CD6: variants seen among roughly 807,000 people sequenced by gnomAD.
The protein encoded by CD6 is CD6 molecule, also known as T-cell differentiation antigen CD6.
Under a neutral mutation model 75.3 loss-of-function variants are expected in CD6, and 53 were observed. The observed-to-expected ratio is 0.70, with a 90% CI of 0.56 to 0.88. The LOEUF is 0.88. CD6 is among the 40% of genes least tolerant of loss of function. CD6 has a pLI of 0.00. For synonymous variants in CD6, 359 were observed against 381.5 expected, an observed-to-expected ratio of 0.94 and a Z score of 0.69; for missense variants, 770 against 897.1, an observed-to-expected ratio of 0.86 and a Z score of 1.81.
intron 1 of CD6, among the ~76,000 whole-genome samples, chr11:61,001,360 G>T (rs1321907408): frequency 2.0e-5 from 3 of 151,852 alleles, no homozygotes; most frequent in Non-Finnish European, 4.4e-5. Context: ...CTGCCACCAC[G>T]CCTGGCTAAC....
At position 61,008,757 on chromosome 11, in the gene CD6, G is replaced by A. The variant is rs777837785; in HGVS notation, c.693G>A (p.Ser231=). 2.5e-6 allele frequency: 4 copies of A among 1,604,888 alleles called. No homozygotes were observed. The highest frequency in any genetic ancestry group is 2.2e-5 in the East Asian group (1 of 44,616). The change falls in exon 4 of 13, where the codon TCG becomes TCA. Residue 231 remains serine (S), a synonymous_variant. Coordinates refer to ENST00000313421, the MANE Select transcript of CD6 (RefSeq NM_006725.5). ...TCCACCGGGACCAGGTGAACTGCTCGGGGGCCGAAGCTTACCTGTGGGACT... is the reference window on the plus strand; with the variant it reads ...TCCACCGGGACCAGGTGAACTGCTCAGGGGCCGAAGCTTACCTGTGGGACT... ...GPIHRDQVNC[S]GAEAYLWDCP... is the part of the protein sequence containing the mutation.
chr11:60,972,987 A>G (rs544363513), intron 1 of CD6, among the ~76,000 whole-genome samples: 1 of 152,118 alleles, frequency 6.6e-6, no homozygotes, highest in Admixed American at 6.6e-5. Context: ...TGCCCTGCTA[A>G]CTCTACCAGG....
intron 1 of CD6, 66 bp downstream of exon 1, chr11:60,971,980 CCT>C: frequency 6.6e-7 from 1 of 1,517,006 alleles, no homozygotes; most frequent in South Asian, 1.1e-5. Flanking sequence ...CTCTCAGTCC[CCT>C]TTCTGGTTGT....
chr11:61,018,564 C>T (rs1484420141), intron 12 of CD6, 171 bp downstream of exon 12: 1 of 600,476 alleles, frequency 1.7e-6, no homozygotes, highest in Non-Finnish European at 2.9e-6. Flanking sequence ...CATGGTAGCT[C>T]AAGCCTGTAA....
At chr11:60,980,096 T>C (rs1347232683) in intron 1 of CD6, among the ~76,000 whole-genome samples, 2 of 152,232 alleles carry the variant, frequency 1.3e-5, no homozygotes, top group Admixed American at 6.5e-5. Context: ...TGGTGGCTAA[T>C]GCTGAATTTA....
intron 1 of CD6, among the ~76,000 whole-genome samples, chr11:61,000,532 A>G (rs557542657): frequency 4.1e-4 from 62 of 152,320 alleles, no homozygotes; most frequent in African/African-American, 1.2e-3. Context: ...CCTCAGGTGT[A>G]GCTGGTGTTG....
intron 9 of CD6, among the ~76,000 whole-genome samples, chr11:61,016,332 C>T (rs2074230): frequency 0.16 from 25,035 of 152,196 alleles, 2,749 homozygotes; most frequent in Middle Eastern, 0.31. Context: ...GGAAAGATAA[C>T]GCTGAAGGCA....
At position 61,017,853 on chromosome 11, in the gene CD6, G is replaced by A. The variant is rs185459354; in HGVS notation, c.1677G>A (p.Arg559=). ...CCCTGGGCCCTCAGTATCACCCGAG[G>A]AGCAACAGTGAGTCGAGCACCTCTT... ...PPSLGPQYHP[R]SNSESSTSSG... The change falls in exon 11 of 13, where the codon AGG becomes AGA. Residue 559 remains arginine (R), a synonymous_variant. Coordinates refer to ENST00000313421, the MANE Select transcript of CD6 (RefSeq NM_006725.5). The A allele has an allele frequency of 1.9e-6, 3 of 1,614,138 alleles. No individual in the cohort carries two copies. Among genetic ancestry groups the A allele is most frequent in the Admixed American group, 1.7e-5 (1 of 60,022 alleles).
intron 1 of CD6, 73 bp from the exon 2 acceptor site, chr11:61,006,501 G>T: frequency 7.8e-7 from 1 of 1,275,802 alleles, no homozygotes; most frequent in South Asian, 1.3e-5. Flanking sequence ...AGTGCCCCCT[G>T]CTCATCAGGG....
chr11:61,008,729 C>T lies in CD6; in HGVS notation c.665C>T (p.Pro222Leu), dbSNP rs1310668889. Residue 222 changes from proline (P) to leucine (L), a missense_variant, in exon 4 of 13, where the codon CCT (proline) becomes CTT (leucine). Physicochemically the swap from Pro to Leu is moderately conservative, Grantham distance 98 (BLOSUM62 -3). Coordinates refer to ENST00000313421, the MANE Select transcript of CD6 (RefSeq NM_006725.5). ...TTGCACTTCACGCCCGGCCGCGGGC[C>T]TATCCACCGGGACCAGGTGAACTGC... is the stretch of plus-strand genomic sequence containing the variant. Reference protein sequence around the residue: ...PGLHFTPGRGPIHRDQVNCSG... With the variant: ...PGLHFTPGRGLIHRDQVNCSG... The T allele has an allele frequency of 1.2e-6, 2 of 1,608,552 alleles. No individual in the cohort carries two copies.
chr11:61,019,327 C>A lies in CD6; in HGVS notation c.*9C>A. The stretch of plus-strand genomic sequence containing the variant: ...ACATCAGCGCAGCCTAGGCCGGGGC[C>A]AGCCGAGGCTCCTGGGGTGGCTCTG... On this transcript the variant is annotated 3_prime_UTR_variant, in exon 13 of 13. Coordinates refer to ENST00000313421, the MANE Select transcript of CD6 (RefSeq NM_006725.5). 1.2e-6 allele frequency: 2 copies of A among 1,604,938 alleles called. No homozygotes were observed. The highest frequency in any genetic ancestry group is 1.7e-6 in the Non-Finnish European group (2 of 1,178,992).
In CD6 at chr11:61,007,623, G is replaced by C; in HGVS notation, c.182G>C (p.Arg61Pro). 1 of 1,489,128 alleles carries C rather than the reference G, an allele frequency of 6.7e-7. No homozygotes were observed. Among genetic ancestry groups the C allele is most frequent in the Non-Finnish European group, 8.9e-7 (1 of 1,119,580 alleles). The allele number at this position is 1,489,128 out of a possible 1,614,324, so 92.2% of individuals were successfully genotyped here. A position where few individuals can be genotyped will look rare whatever the true frequency, so the allele number is the denominator to read the frequency against. Residue 61 changes from arginine to proline, a missense_variant, in exon 3 of 13, where the codon CGG becomes CCG. By Grantham distance (103) the Arg-to-Pro change is moderately radical. Coordinates refer to ENST00000313421, the MANE Select transcript of CD6 (RefSeq NM_006725.5). The surrounding 1 kb of genome is among the most constrained non-coding windows in gnomAD (Gnocchi z 4.2). ...AGCTGCAGCGGGACGGTGGAGGTGC[G>C]GCTCGAGGCGTCCTGGGAGCCCGCG... Reference protein sequence around the residue: ...SSSCSGTVEVRLEASWEPACG... With the variant: ...SSSCSGTVEVPLEASWEPACG...
Position 61,019,234 on chromosome 11 carries a change from C to T in CD6, c.1943-20C>T, listed in dbSNP as rs752607551. On this transcript the variant is annotated intron_variant, in intron 12 of 12. Transcript: ENST00000313421. ...GGCAATGACTGGGTCTCCCACTAAT[C>T]TGGGCCTCTCTGCCCACAGGGTCCC... 9 of 1,603,210 alleles carry T rather than the reference C, an allele frequency of 5.6e-6. No homozygotes were observed. The highest frequency in any genetic ancestry group is 5.5e-5 in the South Asian group (5 of 90,512).
intron 1 of CD6, among the ~76,000 whole-genome samples, chr11:60,987,438 A>G (rs1019937749): frequency 2.0e-5 from 3 of 152,218 alleles, no homozygotes; most frequent in African/African-American, 7.2e-5. Context: ...CTATTTCCAA[A>G]TAAGCTCACA....
intron 8 of CD6, 149 bp downstream of exon 8, chr11:61,014,163 C>G: frequency 1.7e-6 from 1 of 597,032 alleles, no homozygotes; most frequent in East Asian, 3.0e-5. Flanking sequence ...GGACCTTGAG[C>G]AGGCTCAAGT....
intron 1 of CD6, among the ~76,000 whole-genome samples, chr11:61,005,879 C>T (rs1858827233): frequency 6.7e-6 from 1 of 149,374 alleles, no homozygotes; most frequent in East Asian, 1.9e-4. Flanking sequence ...TGCGGTGAGC[C>T]GAGATCAAGC....
In CD6 at chr11:61,008,706, G is replaced by T. The variant is rs759092657; in HGVS notation, c.642G>T (p.Leu214Phe). 1.9e-6 allele frequency: 3 copies of T among 1,607,806 alleles called. No homozygotes were observed. The highest frequency in any genetic ancestry group is 2.5e-6 in the Non-Finnish European group (3 of 1,177,772). The change falls in exon 4 of 13, where the codon TTG becomes TTT. Residue 214 changes from leucine to phenylalanine, a missense_variant. Physicochemically the swap from Leu to Phe is conservative, Grantham distance 22. Transcript: ENST00000313421. Reference protein sequence around the residue: ...CGWAVQALPGLHFTPGRGPIH... With the variant: ...CGWAVQALPGFHFTPGRGPIH... ...GGGCAGTCCAGGCCCTGCCCGGCTTGCACTTCACGCCCGGCCGCGGGCCTA... is the reference window on the plus strand; with the variant it reads ...GGGCAGTCCAGGCCCTGCCCGGCTTTCACTTCACGCCCGGCCGCGGGCCTA...
intron 1 of CD6, among the ~76,000 whole-genome samples, chr11:60,993,228 G>T (rs905383977): frequency 6.6e-6 from 1 of 152,178 alleles, no homozygotes; most frequent in African/African-American, 2.4e-5. Flanking sequence ...AGCCGGGGAA[G>T]GGTGCAGCCA....
chr11:61,013,324 TA>T (rs1438486334), intron 6 of CD6, 98 bp from the exon 7 acceptor site: 4 of 1,368,272 alleles, frequency 2.9e-6, no homozygotes, highest in East Asian at 2.3e-5. Context: ...GAAGATAACA[TA>T]AAAAGGGAAG....
Sources: allele counts gnomAD v4.1 joint callset (sites outside exome capture counted in the v4.1 genomes callset), GRCh38; gene constraint gnomAD v4.1.1; non-coding constraint Gnocchi (gnomAD v3.1); transcripts MANE v1.5; gene names NCBI Gene and HGNC (gene_info 2026-07-23, HGNC 2026-07-21).